Variants in PRDM16 observed in about 807,000 individuals in gnomAD.
PRDM16 encodes the protein PR/SET domain 16, also known as histone-lysine N-methyltransferase PRDM16.
A neutral mutation model predicts 110.6 loss-of-function variants in PRDM16; 23 were observed. That is an observed-to-expected ratio of 0.21 (90% CI 0.15 to 0.29). PRDM16 has a LOEUF of 0.29. PRDM16 is among the 10% of genes least tolerant of loss of function. The pLI is 1.00. For missense variants in PRDM16, 1,615 were observed against 1,794.3 expected (o/e 0.90, Z 1.81); for synonymous variants, 799 against 781.8 (o/e 1.02, Z -0.37).
At chr1:3,373,233 C>A (rs530863422) in intron 3 of PRDM16, among the ~76,000 whole-genome samples, 1 of 152,264 alleles carries the variant, frequency 6.6e-6, no homozygotes, top group Admixed American at 6.5e-5. Context: ...TGCTGCAGTG[C>A]CGGCGGGAAA....
In PRDM16 at chr1:3,203,801, G is replaced by A. The variant is rs144794691; in HGVS notation, c.387+17327G>A. On this transcript the variant is annotated intron_variant, in intron 2 of 16. Coordinates refer to ENST00000270722, the MANE Select transcript of PRDM16 (RefSeq NM_022114.4). ...AGACCCTGTTTCCAACTCAGGCCGC[G>A]TTCTCAGGTCCTGGAGGTGAAGGCT... 2.3e-3 allele frequency among the ~76,000 whole-genome samples: 351 copies of A among 152,272 alleles called. 1 individual carries two copies. Among genetic ancestry groups the A allele is most frequent in the African/African-American group, 8.1e-3 (336 of 41,534 alleles).
At chr1:3,408,120 A>G (rs1643592552) in intron 8 of PRDM16, among the ~76,000 whole-genome samples, 1 of 152,182 alleles carries the variant, frequency 6.6e-6, no homozygotes, top group South Asian at 2.1e-4. Context: ...GGCCCTTTCC[A>G]GGAATGGTCA....
At chr1:3,424,460 T>G (rs1278073446) in intron 12 of PRDM16, among the ~76,000 whole-genome samples, 1 of 152,202 alleles carries the variant, frequency 6.6e-6, no homozygotes, top group African/African-American at 2.4e-5. Flanking sequence ...TCTGATAAAC[T>G]CAGGGTGTTA....
chr1:3,349,551 G>T (rs1335569261), intron 3 of PRDM16, among the ~76,000 whole-genome samples: 4 of 152,082 alleles, frequency 2.6e-5, no homozygotes, highest in African/African-American at 9.7e-5. Flanking sequence ...CAACCCAAGG[G>T]TGTCCTTGTC....
At chr1:3,107,352 C>CG (rs1413166166) in intron 1 of PRDM16, among the ~76,000 whole-genome samples, 1 of 152,090 alleles carries the variant, frequency 6.6e-6, no homozygotes, top group Non-Finnish European at 1.5e-5. Flanking sequence ...CTGGCTGGGC[C>CG]GGGGGAGCCA....
intron 1 of PRDM16, among the ~76,000 whole-genome samples, chr1:3,121,036 G>A (rs965771588): frequency 3.3e-5 from 5 of 152,224 alleles, no homozygotes; most frequent in South Asian, 2.1e-4. Context: ...CAAGGTGAGC[G>A]TGTGGTTTCT....
At chr1:3,123,934 G>A (rs764612077) in intron 1 of PRDM16, among the ~76,000 whole-genome samples, 2 of 152,228 alleles carry the variant, frequency 1.3e-5, no homozygotes, top group Non-Finnish European at 2.9e-5. Flanking sequence ...GGGCTCGGGT[G>A]GGGCAGCTCA....
rs1219420447 is a variant in PRDM16 at position 3,081,132 on chromosome 1, C to T, written c.37+11836C>T. The stretch of plus-strand genomic sequence containing the variant: ...CAGAGGCCCCGGAGTCTTAACTTTC[C>T]CTCCGTCGAAGGTGTTAGTCTTACC... On this transcript the variant is annotated intron_variant, in intron 1 of 16. Transcript: ENST00000270722. This position sits in a 1 kb window ranked among gnomAD's most constrained non-coding sequence, Gnocchi z 4.6. 6.6e-6 allele frequency among the ~76,000 whole-genome samples: 1 copy of T among 152,184 alleles called. No individual in the cohort carries two copies. The highest frequency in any genetic ancestry group is 6.5e-5 in the Admixed American group (1 of 15,278).
chr1:3,276,239 A>G (rs935529454), intron 3 of PRDM16, among the ~76,000 whole-genome samples: 2 of 152,210 alleles, frequency 1.3e-5, no homozygotes, highest in African/African-American at 4.8e-5. Flanking sequence ...GGTCTGATTC[A>G]TCCTGCCCTG....
intron 8 of PRDM16, among the ~76,000 whole-genome samples, chr1:3,409,003 G>A (rs574061405): frequency 5.3e-5 from 8 of 151,512 alleles, no homozygotes; most frequent in African/African-American, 1.2e-4. Flanking sequence ...GAGGGTTGGC[G>A]TGTGAGCCGG....
At chr1:3,102,146 C>T (rs184746508) in intron 1 of PRDM16, among the ~76,000 whole-genome samples, 8 of 152,314 alleles carry the variant, frequency 5.3e-5, no homozygotes, top group Admixed American at 4.6e-4. Context: ...AGCCCCATTT[C>T]GCAGTGGAGA....
At chr1:3,187,958 G>A (rs959989155) in intron 2 of PRDM16, among the ~76,000 whole-genome samples, 3 of 152,240 alleles carry the variant, frequency 2.0e-5, no homozygotes, top group African/African-American at 7.2e-5. Flanking sequence ...ACGAGAGGCA[G>A]AGGACAGTGT....
chr1:3,278,612 C>T (rs775152816), intron 3 of PRDM16, among the ~76,000 whole-genome samples: 2 of 152,200 alleles, frequency 1.3e-5, no homozygotes, highest in Admixed American at 1.3e-4. Flanking sequence ...CCCTGCTGCC[C>T]GGCGGGGCCT....
chr1:3,279,010 A>T (rs1640651896), intron 3 of PRDM16, among the ~76,000 whole-genome samples: 1 of 152,194 alleles, frequency 6.6e-6, no homozygotes, highest in Non-Finnish European at 1.5e-5. Context: ...TGTCATCGTC[A>T]GCCCTGTCCA....
chr1:3,088,787 T>A (rs1642208954), intron 1 of PRDM16, among the ~76,000 whole-genome samples: 1 of 148,050 alleles, frequency 6.8e-6, no homozygotes, highest in African/African-American at 2.5e-5. Flanking sequence ...TTATTTATTA[T>A]TTATTTATTT....
intron 4 of PRDM16, among the ~76,000 whole-genome samples, chr1:3,393,870 C>T (rs1374467146): frequency 6.6e-6 from 1 of 152,232 alleles, no homozygotes; most frequent in African/African-American, 2.4e-5. Context: ...CGCCCCGCCT[C>T]GGGCCCTGCG....
chr1:3,155,137 C>T (rs1041356158), intron 1 of PRDM16, among the ~76,000 whole-genome samples: 1 of 152,158 alleles, frequency 6.6e-6, no homozygotes, highest in African/African-American at 2.4e-5. Context: ...TCCTTAGGGA[C>T]CCCAGATTGG....
At chr1:3,415,867 A>G (rs1444825636) in intron 10 of PRDM16, among the ~76,000 whole-genome samples, 1 of 152,240 alleles carries the variant, frequency 6.6e-6, no homozygotes, top group Non-Finnish European at 1.5e-5. Context: ...AGAAGGCGCC[A>G]GTTACTAAAG....
intron 1 of PRDM16, among the ~76,000 whole-genome samples, chr1:3,114,279 C>T (rs1642882158): frequency 6.9e-6 from 1 of 145,192 alleles, no homozygotes; most frequent in Non-Finnish European, 1.5e-5. Flanking sequence ...CACACACGCA[C>T]ACACGCAGTG....
Sources: allele counts gnomAD v4.1 joint callset (sites outside exome capture counted in the v4.1 genomes callset), GRCh38; gene constraint gnomAD v4.1.1; non-coding constraint Gnocchi (gnomAD v3.1); transcripts MANE v1.5; gene names NCBI Gene and HGNC (gene_info 2026-07-23, HGNC 2026-07-21).